Variants in SNTG1 observed in about 807,000 individuals in gnomAD.
The protein encoded by SNTG1 is syntrophin gamma 1, also known as gamma-1-syntrophin.
Under a neutral mutation model 74.7 loss-of-function variants are expected in SNTG1, and 39 were observed. The observed-to-expected ratio is 0.52, with a 90% CI of 0.40 to 0.68. The LOEUF (loss-of-function observed/expected upper bound fraction) is 0.68. SNTG1 is among the 30% of genes least tolerant of loss of function. The probability of loss-of-function intolerance (pLI) is 0.00; values close to 1 mark genes in which losing one functional copy is unlikely to be tolerated. For synonymous variants in SNTG1, 254 were observed against 217.1 expected, an observed-to-expected ratio of 1.17 and a Z score of -1.49; for missense variants, 685 against 609.5, an observed-to-expected ratio of 1.12 and a Z score of -1.30.
intron 5 of SNTG1, among the ~76,000 whole-genome samples, chr8:50,442,171 C>A (rs1363667762): frequency 1.3e-5 from 2 of 152,140 alleles, no homozygotes; most frequent in East Asian, 1.9e-4. Flanking sequence ...AAAAGAAATC[C>A]TTTTTAACCT....
At chr8:50,206,135 T>A (rs189770268) in intron 2 of SNTG1, among the ~76,000 whole-genome samples, 87 of 152,330 alleles carry the variant, frequency 5.7e-4, no homozygotes, top group African/African-American at 2.0e-3. Context: ...TGGGATGGCA[T>A]TGAATCTATA....
chr8:50,716,145 T>TTTATATAAATGCTTTA (rs2095474457), intron 17 of SNTG1, among the ~76,000 whole-genome samples: 1 of 152,162 alleles, frequency 6.6e-6, no homozygotes, highest in Non-Finnish European at 1.5e-5. Flanking sequence ...TATAAAGCAT[T>TTTATATAAATGCTTTA]TATATGATCA....
At chr8:50,727,830 A>G (rs1206186719) in intron 17 of SNTG1, among the ~76,000 whole-genome samples, 1 of 152,198 alleles carries the variant, frequency 6.6e-6, no homozygotes, top group African/African-American at 2.4e-5. Context: ...TGACAATGGC[A>G]GCATAAACAT....
At chr8:50,234,239 A>T (rs1405189168) in intron 2 of SNTG1, among the ~76,000 whole-genome samples, 1 of 151,970 alleles carries the variant, frequency 6.6e-6, no homozygotes, top group African/African-American at 2.4e-5. Flanking sequence ...TGAACTAATG[A>T]TATATACCAA....
chr8:50,679,093 CTGTT>C (rs1183456242), intron 15 of SNTG1, among the ~76,000 whole-genome samples: 2 of 152,036 alleles, frequency 1.3e-5, no homozygotes, highest in Non-Finnish European at 2.9e-5. Flanking sequence ...AATCTATTAA[CTGTT>C]TGCACTGGAT....
chr8:50,528,725 T>C (rs960221861), intron 9 of SNTG1, among the ~76,000 whole-genome samples: 3 of 151,830 alleles, frequency 2.0e-5, no homozygotes, highest in Non-Finnish European at 4.4e-5. Flanking sequence ...TCATTCCTTT[T>C]AACATCCGTT....
intron 2 of SNTG1, among the ~76,000 whole-genome samples, chr8:50,337,051 C>T (rs1366090452): frequency 6.6e-6 from 1 of 152,002 alleles, no homozygotes; most frequent in East Asian, 1.9e-4. Flanking sequence ...ATTGATAGTC[C>T]CCCTGGCTTT....
At chr8:50,109,109 T>G (rs2080487663) in intron 1 of SNTG1, among the ~76,000 whole-genome samples, 1 of 152,192 alleles carries the variant, frequency 6.6e-6, no homozygotes, top group East Asian at 1.9e-4. Context: ...TTTCCACTCC[T>G]GGGTATGGAG....
At position 50,657,010 on chromosome 8, in the gene SNTG1, G is replaced by A. The variant is rs2095186474; in HGVS notation, c.951G>A (p.Lys317=). The part of the protein sequence containing the change: ...FLALRGSCLY[K]FLAPPVTTWD... ...CCCTGAGGGGCTCATGTCTCTACAAGTTTCTGGCACCTCCAGTACGTGTTT... is the reference window on the plus strand; with the variant it reads ...CCCTGAGGGGCTCATGTCTCTACAAATTTCTGGCACCTCCAGTACGTGTTT... Residue 317 remains lysine, a synonymous_variant, in exon 14 of 19, where the codon AAG becomes AAA. Transcript: ENST00000642720. 6.4e-7 allele frequency: 1 copy of A among 1,550,646 alleles called. No homozygotes were observed. The highest frequency in any genetic ancestry group is 8.7e-7 in the Non-Finnish European group (1 of 1,151,804).
chr8:49,937,370 G>T (rs577165881), intron 1 of SNTG1, among the ~76,000 whole-genome samples: 92 of 152,282 alleles, frequency 6.0e-4, no homozygotes, highest in Middle Eastern at 3.4e-3. Context: ...GACTTTTAGG[G>T]GTGGGGTTCA....
At chr8:50,439,969 T>G (rs1473348203) in intron 5 of SNTG1, among the ~76,000 whole-genome samples, 2 of 151,676 alleles carry the variant, frequency 1.3e-5, no homozygotes, top group Non-Finnish European at 2.9e-5. Context: ...AACCCAATAA[T>G]GCAATGCTAT....
intron 1 of SNTG1, among the ~76,000 whole-genome samples, chr8:50,048,641 A>T (rs987007746): frequency 6.6e-6 from 1 of 152,142 alleles, no homozygotes; most frequent in Non-Finnish European, 1.5e-5. Context: ...AGAAAACTCT[A>T]GTTTTTTCAC....
At chr8:49,928,048 G>C (rs1807192004) in intron 1 of SNTG1, among the ~76,000 whole-genome samples, 1 of 151,378 alleles carries the variant, frequency 6.6e-6, no homozygotes, top group South Asian at 2.1e-4. Flanking sequence ...AGAATCGCTT[G>C]AATCCGGGAG....
At chr8:50,228,919 AAAT>A (rs2085476276) in intron 2 of SNTG1, among the ~76,000 whole-genome samples, 1 of 151,766 alleles carries the variant, frequency 6.6e-6, no homozygotes, top group South Asian at 2.1e-4. Context: ...TAGCTGTTTA[AAAT>A]AATAATAGTA....
At chr8:49,982,702 T>G (rs1479129441) in intron 1 of SNTG1, among the ~76,000 whole-genome samples, 4 of 151,478 alleles carry the variant, frequency 2.6e-5, no homozygotes, top group African/African-American at 9.7e-5. Flanking sequence ...CTACCTTAAC[T>G]TGCATTTATC....
chr8:50,463,862 C>T (rs2093587864), intron 8 of SNTG1, among the ~76,000 whole-genome samples: 1 of 152,182 alleles, frequency 6.6e-6, no homozygotes, highest in Non-Finnish European at 1.5e-5. Context: ...CAGCAGAAGG[C>T]TATTTTGTCT....
intron 13 of SNTG1, among the ~76,000 whole-genome samples, chr8:50,650,578 G>A (rs557853745): frequency 3.3e-4 from 50 of 152,120 alleles, no homozygotes; most frequent in African/African-American, 1.2e-3. Flanking sequence ...CAAGTTTTTT[G>A]TTGGAATGTT....
chr8:50,467,895 G>A (rs1000155977), intron 8 of SNTG1, among the ~76,000 whole-genome samples: 1 of 151,792 alleles, frequency 6.6e-6, no homozygotes, highest in African/African-American at 2.4e-5. Flanking sequence ...TGACTCACAT[G>A]CTATATAGAA....
chr8:50,557,221 C>CAAAA (rs570613406), intron 12 of SNTG1, among the ~76,000 whole-genome samples: 14 of 71,632 alleles, frequency 2.0e-4, no homozygotes, highest in African/African-American at 7.0e-4. Flanking sequence ...GGGAGAAAAC[C>CAAAA]AAAAAAAAAA....
Sources: allele counts gnomAD v4.1 joint callset (sites outside exome capture counted in the v4.1 genomes callset), GRCh38; gene constraint gnomAD v4.1.1; transcripts MANE v1.5; gene names NCBI Gene and HGNC (gene_info 2026-07-23, HGNC 2026-07-21).